The following RHCE variants were observed in gnomAD, a reference collection of about 807,000 sequenced individuals.
The protein encoded by RHCE is blood group Rh(CE) polypeptide.
RHCE carries 22 observed loss-of-function variants against 43.8 expected under a neutral mutation model. That is an observed-to-expected ratio of 0.50 (90% confidence interval 0.36 to 0.72). The LOEUF (loss-of-function observed/expected upper bound fraction) is 0.72. RHCE is among the 30% of genes least tolerant of loss of function. The pLI is 0.00. For missense variants in RHCE, 385 were observed against 525.4 expected, an observed-to-expected ratio of 0.73 and a Z score of 2.61; for synonymous variants, 156 against 210.7, an observed-to-expected ratio of 0.74 and a Z score of 2.25.
At chr1:25,392,168 G>A in intron 3 of RHCE, 27 bp from the exon 4 acceptor site, 1 of 1,614,032 alleles carries the variant, frequency 6.2e-7, no homozygotes, top group Non-Finnish European at 8.5e-7. Context: ...TAAGAGCAGT[G>A]AGTGTCGGCA....
chr1:25,405,260 A>T (rs1646880510), intron 2 of RHCE, among the ~76,000 whole-genome samples: 1 of 152,166 alleles, frequency 6.6e-6, no homozygotes, highest in African/African-American at 2.4e-5. Flanking sequence ...TAGGAGGCTG[A>T]GGCAGGAGGA....
At chr1:25,378,336 G>T (rs542890829) in intron 7 of RHCE, among the ~76,000 whole-genome samples, 1 of 152,164 alleles carries the variant, frequency 6.6e-6, no homozygotes, top group Admixed American at 6.5e-5. Context: ...AAGTGCATTC[G>T]TGTGCTCCAA....
At chr1:25,422,591 G>A (rs1163262338), upstream of RHCE, among the ~76,000 whole-genome samples, 1 of 152,176 alleles carries the variant, frequency 6.6e-6, no homozygotes. Flanking sequence ...AGTAAACTGA[G>A]GCACAGAAAA....
intron 6 of RHCE, among the ~76,000 whole-genome samples, chr1:25,386,119 G>A (rs1646151238): frequency 2.0e-5 from 3 of 152,170 alleles, no homozygotes; most frequent in African/African-American, 7.2e-5. Context: ...ACCACACTAT[G>A]AGTAGCAAGG....
At chr1:25,429,444 C>T (rs1024080952) in intron 1 of RHCE, among the ~76,000 whole-genome samples, 1 of 152,064 alleles carries the variant, frequency 6.6e-6, no homozygotes, top group Non-Finnish European at 1.5e-5. Context: ...TGAGCCACCG[C>T]GCCCAGCCCT....
chr1:25,412,319 ACTCT>A (rs1240026841), intron 1 of RHCE, among the ~76,000 whole-genome samples: 1 of 152,086 alleles, frequency 6.6e-6, no homozygotes, highest in Non-Finnish European at 1.5e-5. Flanking sequence ...TGGACTTGAT[ACTCT>A]CTAAGGCTTT....
intron 6 of RHCE, among the ~76,000 whole-genome samples, chr1:25,388,447 A>G (rs1050032061): frequency 2.2e-5 from 3 of 136,896 alleles, no homozygotes; most frequent in African/African-American, 8.3e-5. Context: ...CAGCAGCCAC[A>G]TATGCACGAT....
chr1:25,412,701 G>A (rs1175368937), intron 1 of RHCE, among the ~76,000 whole-genome samples: 3 of 143,638 alleles, frequency 2.1e-5, no homozygotes, highest in Non-Finnish European at 4.5e-5. Context: ...GGCGACAGAG[G>A]GAGACCCTTT....
At chr1:25,411,304 A>G (rs1647068691) in intron 1 of RHCE, 1 of 1,549,660 alleles carries the variant, frequency 6.5e-7, no homozygotes, top group East Asian at 2.4e-5. Context: ...GCTGTTCATC[A>G]ACATCATCAT....
intron 1 of RHCE, among the ~76,000 whole-genome samples, 191 bp from the exon 2 acceptor site, chr1:25,409,060 G>C (rs1048794332): frequency 3.2e-5 from 4 of 123,620 alleles, no homozygotes; most frequent in African/African-American, 1.0e-4. Flanking sequence ...ATAACATGCC[G>C]TGTGGGGATA....
chr1:25,372,866 A>G (rs549080078), intron 8 of RHCE, among the ~76,000 whole-genome samples: 1 of 151,728 alleles, frequency 6.6e-6, no homozygotes, highest in South Asian at 2.1e-4. Context: ...GTGCAGTGGC[A>G]CGATCTCAGC....
At chr1:25,395,066 C>T (rs1039875569) in intron 3 of RHCE, among the ~76,000 whole-genome samples, 1 of 145,004 alleles carries the variant, frequency 6.9e-6, no homozygotes, top group African/African-American at 2.7e-5. Context: ...TTAAAGCAAT[C>T]GTTATGAAGA....
chr1:25,379,764 T>C (rs1305377019), intron 7 of RHCE, among the ~76,000 whole-genome samples: 1 of 151,976 alleles, frequency 6.6e-6, no homozygotes, highest in Non-Finnish European at 1.5e-5. Context: ...AGCCTCAAAC[T>C]CCTGGGCTCA....
intron 3 of RHCE, among the ~76,000 whole-genome samples, chr1:25,401,279 A>G (rs140890521): frequency 0.018 from 2,711 of 152,310 alleles, 94 homozygotes; most frequent in African/African-American, 0.059. Context: ...CAGACGAAGA[A>G]ACTAAAGCTC....
At chr1:25,424,320 C>T (rs1401216885), upstream of RHCE, among the ~76,000 whole-genome samples, 1 of 152,072 alleles carries the variant, frequency 6.6e-6, no homozygotes, top group African/African-American at 2.4e-5. Context: ...GCTTGCTCCC[C>T]ACCTCACCTC....
At chr1:25,370,660 C>T (rs1645579429) in intron 8 of RHCE, 120 bp from the exon 9 acceptor site, 9 of 850,956 alleles carry the variant, frequency 1.1e-5, no homozygotes, top group Non-Finnish European at 1.7e-5. Context: ...CTTTTTCTCC[C>T]ACAATTGAAA....
At chr1:25,404,298 C>T (rs1342265668) in intron 2 of RHCE, among the ~76,000 whole-genome samples, 7 of 148,864 alleles carry the variant, frequency 4.7e-5, no homozygotes, top group African/African-American at 1.8e-4. Flanking sequence ...GCCAGCTGAT[C>T]ACAAATGTGA....
intron 3 of RHCE, among the ~76,000 whole-genome samples, chr1:25,395,890 G>C (rs955139221): frequency 9.2e-5 from 14 of 151,530 alleles, no homozygotes; most frequent in African/African-American, 3.4e-4. Flanking sequence ...ATCAGTGGGT[G>C]AAAGTTGGAT....
At chr1:25,398,978 T>A (rs567501275) in intron 3 of RHCE, 1 of 1,164,404 alleles carries the variant, frequency 8.6e-7, no homozygotes, top group East Asian at 2.3e-5. Context: ...CTTATTTGAA[T>A]CCTTGCTCTG....
Sources: allele counts gnomAD v4.1 joint callset (sites outside exome capture counted in the v4.1 genomes callset), GRCh38; gene constraint gnomAD v4.1.1; transcripts MANE v1.5; gene names NCBI Gene and HGNC (gene_info 2026-07-23, HGNC 2026-07-21).